CD4: variants seen among roughly 807,000 people sequenced by gnomAD.
CD4 encodes CD4 molecule.
CD4 carries 25 observed loss-of-function variants against 50.5 expected under a neutral mutation model. The ratio of observed to expected loss-of-function variants is 0.49; its 90% CI spans 0.36 to 0.69. CD4 has a LOEUF of 0.69. Ranked by LOEUF, CD4 falls within the 30% of genes least tolerant of loss-of-function variation. The pLI is 0.00. For synonymous variants in CD4, 207 were observed against 221.9 expected (o/e 0.93, Z 0.60); for missense variants, 456 against 548.5 (o/e 0.83, Z 1.68).
intron 1 of CD4, among the ~76,000 whole-genome samples, chr12:6,794,661 T>C (rs1002838739): frequency 6.6e-6 from 1 of 152,064 alleles, no homozygotes; most frequent in Non-Finnish European, 1.5e-5. Flanking sequence ...TGTGAGCCAC[T>C]GCATCCGGCC....
chr12:6,806,615 TC>T (rs1942767807), intron 3 of CD4, among the ~76,000 whole-genome samples: 1 of 152,012 alleles, frequency 6.6e-6, no homozygotes, highest in South Asian at 2.1e-4. Context: ...AATGAACAAT[TC>T]AATTAGAAAA....
At chr12:6,794,003 T>TATCTATCTATCTATC (rs1355497162) in intron 1 of CD4, among the ~76,000 whole-genome samples, 1 of 151,658 alleles carries the variant, frequency 6.6e-6, no homozygotes, top group Non-Finnish European at 1.5e-5. Context: ...TCTATCTATC[T>TATCTATCTATCTATC]ATCACCTATC....
chr12:6,806,799 G>T (rs1167993041), intron 3 of CD4, among the ~76,000 whole-genome samples: 1 of 152,140 alleles, frequency 6.6e-6, no homozygotes, highest in Non-Finnish European at 1.5e-5. Context: ...GGAGAAACTG[G>T]GTCATTCTTC....
At position 6,812,912 on chromosome 12, in the gene CD4, GT is replaced by G. The variant is rs369318582; in HGVS notation, c.215-1221del. 7.6e-3 allele frequency among the ~76,000 whole-genome samples: 1,136 copies of G among 149,706 alleles called. 19 individuals carry two copies. The highest frequency in any genetic ancestry group is 0.025 in the African/African-American group (1,031 of 40,646). The stretch of plus-strand genomic sequence containing the variant: ...AGCGATCTTGTGCCTCAGCCTCCCA[GT>G]TTTTTTTTCTTTTAAATGGGGTCTC... On this transcript the variant is annotated intron_variant, in intron 3 of 9. Coordinates refer to ENST00000011653, the MANE Select transcript of CD4 (RefSeq NM_000616.5).
intron 1 of CD4, among the ~76,000 whole-genome samples, chr12:6,798,538 A>T (rs1942447519): frequency 6.6e-6 from 1 of 152,190 alleles, no homozygotes; most frequent in Admixed American, 6.5e-5. Flanking sequence ...TTTTGTGAGC[A>T]CAGGGTTGGG....
At chr12:6,797,394 T>G (rs1942404244) in intron 1 of CD4, among the ~76,000 whole-genome samples, 1 of 152,176 alleles carries the variant, frequency 6.6e-6, no homozygotes, top group Admixed American at 6.5e-5. Context: ...CTTTCTCCCC[T>G]GACCTCTCTG....
chr12:6,800,097 TCCCTACTGGCTCAGGC>T lies in CD4; in HGVS notation c.-37_-22del, dbSNP rs781871878. 1.7e-5 allele frequency: 27 copies of T among 1,591,736 alleles called. 2 individuals carry two copies. The South Asian group carries it at 3.0e-4, about 18-fold the overall frequency. On this transcript the variant is annotated 5_prime_UTR_variant, in exon 2 of 10. Transcript: ENST00000011653. ...GCCCTGCCATTTCTGTGGGCTCAGG[TCCCTACTGGCTCAGGC>T]CCCTGCCTCCCTCGGCAAGGCCACA...
chr12:6,790,103 G>T (rs774993280), intron 1 of CD4, among the ~76,000 whole-genome samples: 3 of 149,806 alleles, frequency 2.0e-5, no homozygotes, highest in Non-Finnish European at 3.0e-5. Flanking sequence ...TAAATATAAG[G>T]TGGGAGGAAA....
At chr12:6,817,076 T>A (rs1232339171) in intron 6 of CD4, 54 bp from the exon 7 acceptor site, 2 of 1,480,490 alleles carry the variant, frequency 1.4e-6, no homozygotes, top group African/African-American at 1.4e-5. Context: ...AGTATCATTT[T>A]AATTGTTCTA....
At chr12:6,807,220 C>T (rs779871047) in intron 3 of CD4, among the ~76,000 whole-genome samples, 32 of 152,080 alleles carry the variant, frequency 2.1e-4, no homozygotes, top group Non-Finnish European at 4.3e-4. Context: ...CAATATTGCA[C>T]CCCTAGGCAT....
At chr12:6,794,004 A>ATCTATCTG (rs1442402694) in intron 1 of CD4, among the ~76,000 whole-genome samples, 1 of 149,990 alleles carries the variant, frequency 6.7e-6, no homozygotes, top group Admixed American at 6.7e-5. Flanking sequence ...CTATCTATCT[A>ATCTATCTG]TCACCTATCT....
chr12:6,809,972 C>A (rs2137898076), intron 3 of CD4, among the ~76,000 whole-genome samples: 1 of 148,526 alleles, frequency 6.7e-6, no homozygotes, highest in Non-Finnish European at 1.5e-5. Flanking sequence ...TCACTGCAAC[C>A]TTTGTCTCCT....
chr12:6,803,089 C>G (rs1013713517), intron 3 of CD4, among the ~76,000 whole-genome samples: 3 of 151,952 alleles, frequency 2.0e-5, no homozygotes, highest in Admixed American at 6.6e-5. Flanking sequence ...ACTCTAAAAC[C>G]CTTGGACCTA....
At chr12:6,802,064 G>A (rs934112834) in intron 3 of CD4, among the ~76,000 whole-genome samples, 24 of 150,980 alleles carry the variant, frequency 1.6e-4, no homozygotes, top group Non-Finnish European at 3.1e-4. Context: ...AGTAGAGACC[G>A]GTTTTCATCA....
rs149350418 is a variant in CD4, at chr12:6,814,823, C to T, written c.438C>T (p.Pro146=). The T allele has an allele frequency of 9.3e-6, 15 of 1,613,542 alleles. No individual in the cohort carries two copies. In the African/African-American group the frequency reaches 1.6e-4, roughly 17 times the overall value. Residue 146 remains proline (P), a synonymous_variant, in exon 5 of 10, where the codon CCC becomes CCT. Transcript: ENST00000011653. ...GCCTGACCCTGACCTTGGAGAGCCC[C>T]CCTGGTAGTAGCCCCTCAGTGCAAT... ...GQSLTLTLES[P]PGSSPSVQCR... is the part of the protein sequence containing the mutation.
intron 6 of CD4, 69 bp from the exon 7 acceptor site, chr12:6,817,061 T>C (rs1555118037): frequency 2.9e-6 from 4 of 1,363,716 alleles, no homozygotes; most frequent in East Asian, 2.3e-5. Flanking sequence ...AGGTCACCCA[T>C]ATAGAGTATC....
chr12:6,815,985 C>A, intron 5 of CD4, 71 bp from the exon 6 acceptor site: 1 of 1,597,196 alleles, frequency 6.3e-7, no homozygotes, highest in African/African-American at 1.3e-5. Flanking sequence ...GCTGCCTCCA[C>A]ATGCCAACCC....
At chr12:6,806,449 T>G (rs1177842764) in intron 3 of CD4, among the ~76,000 whole-genome samples, 1 of 151,522 alleles carries the variant, frequency 6.6e-6, no homozygotes, top group African/African-American at 2.4e-5. Flanking sequence ...GTTGCCTGGT[T>G]GCCTGGGCAA....
chr12:6,809,389 G>A (rs1286246414), intron 3 of CD4, among the ~76,000 whole-genome samples: 2 of 152,062 alleles, frequency 1.3e-5, no homozygotes, highest in Non-Finnish European at 2.9e-5. Flanking sequence ...CCAGTTACTT[G>A]GGGGGCTGAG....
Sources: gnomAD v4.1 joint callset for allele counts (sites outside exome capture counted in the v4.1 genomes callset) on GRCh38, gnomAD v4.1.1 for gene constraint, MANE v1.5 for transcripts, NCBI Gene and HGNC (gene_info 2026-07-23, HGNC 2026-07-21) for gene names.